The following LY96 variants were observed in gnomAD, a reference collection of about 807,000 sequenced individuals.
The protein encoded by LY96 is myeloid differentiation protein-2.
LY96 carries 18 observed loss-of-function variants against 18.9 expected under a neutral mutation model. The ratio of observed to expected loss-of-function variants is 0.95; its 90% confidence interval spans 0.66 to 1.41. The LOEUF (loss-of-function observed/expected upper bound fraction) is 1.41. Among genes scored for constraint, LY96 ranks in the 40% most tolerant of loss-of-function variants. LY96 has a pLI of 0.00. For synonymous variants in LY96, 66 were observed against 62.6 expected (o/e 1.06, Z -0.26); for missense variants, 175 against 182.4 (o/e 0.96, Z 0.23).
downstream of LY96, among the ~76,000 whole-genome samples, chr8:74,031,890 G>A (rs1410914438): frequency 3.3e-5 from 5 of 152,066 alleles, no homozygotes; most frequent in African/African-American, 9.7e-5. Context: ...TTGGGAGGCC[G>A]AGGTGGGTGG....
At chr8:74,046,588 C>T in the LY96 span, among the ~76,000 whole-genome samples, 1 of 152,026 alleles carries the variant, frequency 6.6e-6, no homozygotes, top group Non-Finnish European at 1.5e-5. Context: ...CAAAAAAACC[C>T]CGGACAGGAT....
At chr8:74,045,331 C>T in the LY96 span, among the ~76,000 whole-genome samples, 6 of 152,230 alleles carry the variant, frequency 3.9e-5, no homozygotes, top group African/African-American at 9.6e-5. Context: ...AATAAAAACA[C>T]GAAGGCTACA....
In LY96 at chr8:74,029,071, A is replaced by C. The variant is rs10282832; in HGVS notation, c.*17A>C. The C allele has an allele frequency of 0.012, 16,850 of 1,446,432 alleles. 1,408 individuals are homozygous for C. In the African/African-American group the frequency reaches 0.19, roughly 17 times the overall value. The allele number at this position is 1,446,432 out of a possible 1,614,324, so 89.6% of individuals were successfully genotyped here. A position where few individuals can be genotyped will look rare whatever the true frequency, so the allele number is the denominator to read the frequency against. ...TCAAATTAGAATAAATTGAGTATTT[A>C]AAAAAAAATTTAAAGGTATTGTTCC... On this transcript the variant is annotated 3_prime_UTR_variant, in exon 5 of 5. Transcript: ENST00000284818.
At chr8:74,081,657 C>CT in the LY96 span, among the ~76,000 whole-genome samples, 21 of 151,120 alleles carry the variant, frequency 1.4e-4, no homozygotes, top group Admixed American at 2.6e-4. Flanking sequence ...GCTGGTGTTT[C>CT]TTTTTTTTTC....
chr8:74,046,414 A>G, the LY96 span, among the ~76,000 whole-genome samples: 3 of 152,226 alleles, frequency 2.0e-5, no homozygotes, highest in Non-Finnish European at 4.4e-5. Flanking sequence ...CTGAATGTGG[A>G]TAGCAAAACC....
At chr8:74,054,663 T>TCTTTCTTC in the LY96 span, among the ~76,000 whole-genome samples, 1 of 144,044 alleles carries the variant, frequency 6.9e-6, no homozygotes, top group Non-Finnish European at 1.5e-5. Context: ...TTTCTTTCTT[T>TCTTTCTTC]CTTTCTTTCT....
At position 74,010,145 on chromosome 8, in the gene LY96, A is replaced by G; in HGVS notation, c.331+16A>G. On this transcript the variant is annotated intron_variant, in intron 3 of 4. Coordinates refer to ENST00000284818, the MANE Select transcript of LY96 (RefSeq NM_015364.5). ...CTGAAGGGAGGTAAGTATTCAGTTC[A>G]TATTACTTTTAGAATAGGAAATAAT... 1 of 1,604,844 alleles carries G rather than the reference A, an allele frequency of 6.2e-7. No homozygotes were observed. Among genetic ancestry groups the G allele is most frequent in the Non-Finnish European group, 8.5e-7 (1 of 1,172,122 alleles).
the LY96 span, among the ~76,000 whole-genome samples, chr8:74,090,177 C>T: frequency 1.3e-5 from 2 of 152,066 alleles, no homozygotes; most frequent in African/African-American, 4.8e-5. Context: ...GAGACCCCTG[C>T]AATCATCTAG....
the LY96 span, among the ~76,000 whole-genome samples, chr8:74,040,526 A>G: frequency 1.3e-5 from 2 of 152,154 alleles, no homozygotes; most frequent in Non-Finnish European, 2.9e-5. Flanking sequence ...TGAGAGATAG[A>G]GGTCTAGCTT....
At chr8:74,098,341 A>G in the LY96 span, among the ~76,000 whole-genome samples, 9 of 152,256 alleles carry the variant, frequency 5.9e-5, no homozygotes, top group African/African-American at 2.2e-4. Flanking sequence ...AATTGTCCGA[A>G]TTAAAAAAAA....
chr8:74,026,672 C>T, intron 3 of LY96, 117 bp from the exon 4 acceptor site: 1 of 677,322 alleles, frequency 1.5e-6, no homozygotes. Context: ...CATTATTTTT[C>T]TACAGTTTTG....
At chr8:74,051,663 A>G in the LY96 span, among the ~76,000 whole-genome samples, 1 of 152,052 alleles carries the variant, frequency 6.6e-6, no homozygotes, top group Non-Finnish European at 1.5e-5. Flanking sequence ...AGCCTTTATG[A>G]ATGGGATTAG....
chr8:74,071,973 G>T, the LY96 span, among the ~76,000 whole-genome samples: 1 of 151,980 alleles, frequency 6.6e-6, no homozygotes, highest in Non-Finnish European at 1.5e-5. Context: ...CATTGCTAAT[G>T]GTCTTGTATA....
the LY96 span, among the ~76,000 whole-genome samples, chr8:74,089,139 G>T: frequency 3.3e-5 from 5 of 152,150 alleles, no homozygotes; most frequent in African/African-American, 1.2e-4. Context: ...CAGGGGCGAA[G>T]CTTCCTTCCT....
At chr8:74,066,239 G>A in the LY96 span, among the ~76,000 whole-genome samples, 1 of 152,036 alleles carries the variant, frequency 6.6e-6, no homozygotes, top group Non-Finnish European at 1.5e-5. Flanking sequence ...GAAGAGACCA[G>A]CAGAATCCCT....
At chr8:74,050,673 C>T in the LY96 span, among the ~76,000 whole-genome samples, 5 of 152,026 alleles carry the variant, frequency 3.3e-5, no homozygotes, top group South Asian at 2.1e-4. Flanking sequence ...AGCACTATTA[C>T]CATCACCAAA....
At chr8:74,042,548 C>A in the LY96 span, among the ~76,000 whole-genome samples, 1 of 152,004 alleles carries the variant, frequency 6.6e-6, no homozygotes, top group Admixed American at 6.6e-5. Flanking sequence ...TGGACTCACT[C>A]AAAATTCTGC....
downstream of LY96, among the ~76,000 whole-genome samples, chr8:74,033,247 A>C (rs1816999550): frequency 6.6e-6 from 1 of 152,174 alleles, no homozygotes; most frequent in African/African-American, 2.4e-5. Context: ...CAGTGATATA[A>C]TTTTTTGGAT....
intron 1 of LY96, among the ~76,000 whole-genome samples, chr8:73,999,049 T>C (rs1014308325): frequency 8.6e-5 from 13 of 151,940 alleles, no homozygotes; most frequent in Non-Finnish European, 1.9e-4. Flanking sequence ...CAGCTCACTG[T>C]AGCCTCCACC....
Sources: gnomAD v4.1 joint callset for allele counts (sites outside exome capture counted in the v4.1 genomes callset) on GRCh38, gnomAD v4.1.1 for gene constraint, MANE v1.5 for transcripts, NCBI Gene and HGNC (gene_info 2026-07-23, HGNC 2026-07-21) for gene names.